ST3GAL5: variants seen among roughly 807,000 people sequenced by gnomAD.
ST3GAL5 encodes ST3 beta-galactoside alpha-2,3-sialyltransferase 5, also known as lactosylceramide alpha-2,3-sialyltransferase.
ST3GAL5 carries 25 observed loss-of-function variants against 46.1 expected under a neutral mutation model. The observed-to-expected ratio is 0.54, with a 90% CI of 0.40 to 0.76. ST3GAL5 has a LOEUF of 0.76. Ranked by LOEUF, ST3GAL5 falls within the 30% of genes least tolerant of loss-of-function variation. The pLI, the probability that ST3GAL5 is intolerant of heterozygous loss-of-function variation, is 0.00. For missense variants in ST3GAL5, 431 were observed against 521.2 expected (o/e 0.83, Z 1.69); for synonymous variants, 182 against 192.7 (o/e 0.94, Z 0.46).
intron 1 of ST3GAL5, among the ~76,000 whole-genome samples, chr2:85,876,495 A>C (rs1573704578): frequency 1.8e-5 from 2 of 112,356 alleles, no homozygotes; most frequent in East Asian, 2.4e-4. Flanking sequence ...ACGGAGTCTC[A>C]CTCTGTTGCC....
chr2:85,882,937 A>G (rs185945510), intron 1 of ST3GAL5, among the ~76,000 whole-genome samples: 14 of 152,170 alleles, frequency 9.2e-5, no homozygotes, highest in African/African-American at 2.9e-4. Context: ...GGCTATCCCA[A>G]TGCCTGTACC....
chr2:85,882,772 G>A (rs950227818), intron 1 of ST3GAL5, among the ~76,000 whole-genome samples: 3 of 149,908 alleles, frequency 2.0e-5, no homozygotes, highest in Non-Finnish European at 4.4e-5. Context: ...GGCGGAGGTT[G>A]CAGTGAGCTG....
At chr2:85,884,364 G>A (rs1269032556) in intron 1 of ST3GAL5, among the ~76,000 whole-genome samples, 1 of 152,202 alleles carries the variant, frequency 6.6e-6, no homozygotes, top group East Asian at 1.9e-4. Flanking sequence ...AATTTACATA[G>A]TGTGCAGCTG....
chr2:85,840,875 C>T (rs1367330544), intron 6 of ST3GAL5, among the ~76,000 whole-genome samples: 2 of 129,666 alleles, frequency 1.5e-5, no homozygotes, highest in African/African-American at 3.0e-5. Context: ...ACCCAGGAGG[C>T]GGAGGCTGCA....
intron 1 of ST3GAL5, 162 bp downstream of exon 1, chr2:85,888,662 G>T: frequency 2.3e-6 from 1 of 433,234 alleles, no homozygotes; most frequent in Non-Finnish European, 3.5e-6. Context: ...CCCTCCGCCC[G>T]CGCCCCAGCC....
chr2:85,846,195 C>T (rs1194768653), intron 5 of ST3GAL5, 182 bp downstream of exon 5: 7 of 627,380 alleles, frequency 1.1e-5, no homozygotes, highest in South Asian at 7.8e-5. Context: ...CAGAATGAGA[C>T]TCCATCCCCA....
At chr2:85,841,814 G>C (rs762516767) in intron 6 of ST3GAL5, among the ~76,000 whole-genome samples, 3 of 151,984 alleles carry the variant, frequency 2.0e-5, no homozygotes, top group Non-Finnish European at 4.4e-5. Context: ...ATCTGACATC[G>C]TGCTTTCTGG....
At chr2:85,847,108 A>C (rs1682887768) in intron 4 of ST3GAL5, among the ~76,000 whole-genome samples, 1 of 152,148 alleles carries the variant, frequency 6.6e-6, no homozygotes, top group Non-Finnish European at 1.5e-5. Flanking sequence ...AACAATTTTT[A>C]AACAGTGAAA....
chr2:85,864,124 G>C (rs1391225521), intron 1 of ST3GAL5, among the ~76,000 whole-genome samples: 2 of 152,146 alleles, frequency 1.3e-5, no homozygotes, highest in Non-Finnish European at 2.9e-5. Flanking sequence ...CAACACGAAG[G>C]ACTCTTGTGA....
chr2:85,859,462 G>T (rs1472144632), intron 3 of ST3GAL5, among the ~76,000 whole-genome samples: 2 of 152,200 alleles, frequency 1.3e-5, no homozygotes, highest in Non-Finnish European at 2.9e-5. Flanking sequence ...AGACAGTCCA[G>T]GAAGAAAGGG....
chr2:85,842,476 G>A (rs1489315161), intron 6 of ST3GAL5, among the ~76,000 whole-genome samples: 2 of 152,138 alleles, frequency 1.3e-5, no homozygotes, highest in East Asian at 3.8e-4. Context: ...CTGCTCAACA[G>A]GCTTCTTCAT....
Position 85,861,226 on chromosome 2 carries a change from T to G in ST3GAL5, c.273A>C (p.Glu91Asp). 1 of 1,613,622 alleles carries G rather than the reference T, an allele frequency of 6.2e-7. No individual in the cohort carries two copies. The change falls in exon 3 of 7, where the codon GAA becomes GAC. Residue 91 changes from glutamate to aspartate, a missense_variant. Coordinates refer to ENST00000638572, the MANE Select transcript of ST3GAL5 (RefSeq NM_003896.4). ...CATAATGCATTTTTTTCATGTCACA[T>G]TCTTCAGTAGTATAATTTAACTTGA... ...YILKLNYTTE[E>D]CDMKKMHYVD...
At position 85,838,418 on chromosome 2, in the gene ST3GAL5, T is replaced by C. The variant is rs976878629; in HGVS notation, c.*1726A>G. 4 of 152,252 alleles carry C rather than the reference T, an allele frequency of 2.6e-5. No homozygotes were observed. The highest frequency in any genetic ancestry group is 6.5e-5 in the Admixed American group (1 of 15,300). 9.4% of individuals were successfully genotyped at this position (152,252 alleles called of 1,614,324 possible). A position where few individuals can be genotyped will look rare whatever the true frequency, so the allele number is the denominator to read the frequency against. On this transcript the variant is annotated 3_prime_UTR_variant, in exon 7 of 7. Coordinates refer to ENST00000638572, the MANE Select transcript of ST3GAL5 (RefSeq NM_003896.4). Reference sequence around the variant, plus strand: ...GGGATGTAGGGGTGGAGCTGTGTGGTGTAAGCCCAGCACCACCTGAGCCAC... The same window carrying C: ...GGGATGTAGGGGTGGAGCTGTGTGGCGTAAGCCCAGCACCACCTGAGCCAC...
Position 85,840,104 on chromosome 2 carries a change from TCA to T in ST3GAL5, c.*38_*39del. ...TCAAGAAGGCTGTCAAAAACAGCTC[TCA>T]GAGTTAGAGTTGCATTTTCAACTGA... is the stretch of plus-strand genomic sequence containing the variant. On this transcript the variant is annotated 3_prime_UTR_variant, in exon 7 of 7. Coordinates refer to ENST00000638572, the MANE Select transcript of ST3GAL5 (RefSeq NM_003896.4). 2 of 1,614,160 alleles carry T rather than the reference TCA, an allele frequency of 1.2e-6. No individual in the cohort carries two copies. The highest frequency in any genetic ancestry group is 1.7e-6 in the Non-Finnish European group (2 of 1,180,026).
chr2:85,851,641 T>A (rs1312117550), intron 3 of ST3GAL5: 4 of 1,289,338 alleles, frequency 3.1e-6, no homozygotes, highest in Non-Finnish European at 4.0e-6. Flanking sequence ...CCCCCTCCAC[T>A]GCTTGCCCAT....
At chr2:85,847,227 C>T (rs1281367862) in intron 4 of ST3GAL5, among the ~76,000 whole-genome samples, 1 of 152,150 alleles carries the variant, frequency 6.6e-6, no homozygotes, top group African/African-American at 2.4e-5. Flanking sequence ...TCACTGGCCC[C>T]AAGCCCCTTC....
At chr2:85,853,204 A>G (rs1683732149) in intron 3 of ST3GAL5, 1 of 620,872 alleles carries the variant, frequency 1.6e-6, no homozygotes, top group South Asian at 1.7e-5. Flanking sequence ...TTTTGAGTGC[A>G]ATTTCACATC....
chr2:85,841,825 A>G (rs764883162), intron 6 of ST3GAL5, among the ~76,000 whole-genome samples: 5 of 152,092 alleles, frequency 3.3e-5, no homozygotes, highest in Non-Finnish European at 5.9e-5. Flanking sequence ...TGCTTTCTGG[A>G]TCTCCATGCC....
intron 1 of ST3GAL5, among the ~76,000 whole-genome samples, chr2:85,880,189 G>A (rs1686994093): frequency 6.6e-6 from 1 of 152,146 alleles, no homozygotes; most frequent in South Asian, 2.1e-4. Flanking sequence ...GTGACAACCC[G>A]GAGTTTGGCA....
Sources: gnomAD v4.1 joint callset for allele counts (sites outside exome capture counted in the v4.1 genomes callset) on GRCh38, gnomAD v4.1.1 for gene constraint, MANE v1.5 for transcripts, NCBI Gene and HGNC (gene_info 2026-07-23, HGNC 2026-07-21) for gene names.